TAFA2: variants seen among roughly 807,000 people sequenced by gnomAD.
The protein encoded by TAFA2 is chemokine-like protein TAFA-2.
In TAFA2, 7 loss-of-function variants were observed where a neutral mutation model predicts 18.8. That is an observed-to-expected ratio of 0.37 (90% CI 0.21 to 0.70). The LOEUF (loss-of-function observed/expected upper bound fraction) is 0.70, where lower values mean the gene tolerates loss of function less well. TAFA2 is among the 30% of genes least tolerant of loss of function. The probability of loss-of-function intolerance (pLI) is 0.53; values close to 1 mark genes in which losing one functional copy is unlikely to be tolerated. For missense variants in TAFA2, 122 were observed against 158.1 expected (o/e 0.77, Z 1.23); for synonymous variants, 60 against 54.2 (o/e 1.11, Z -0.47).
intron 1 of TAFA2, among the ~76,000 whole-genome samples, chr12:62,119,751 C>A (rs566284228): frequency 6.6e-6 from 1 of 152,224 alleles, no homozygotes; most frequent in South Asian, 2.1e-4. Context: ...GTTTCTGCTC[C>A]ATCATGGTAT....
chr12:62,187,037 T>C (rs937622533), intron 1 of TAFA2, among the ~76,000 whole-genome samples: 1 of 152,144 alleles, frequency 6.6e-6, no homozygotes, highest in East Asian at 1.9e-4. Flanking sequence ...TTCTGGCAAT[T>C]TTGTAGATAC....
At chr12:61,777,647 T>G (rs1036890730) in intron 2 of TAFA2, among the ~76,000 whole-genome samples, 3 of 151,588 alleles carry the variant, frequency 2.0e-5, no homozygotes, top group Non-Finnish European at 4.4e-5. Flanking sequence ...AAATTTTAGC[T>G]CTACCACTTA....
At chr12:61,914,259 T>C (rs1876728566) in intron 1 of TAFA2, among the ~76,000 whole-genome samples, 1 of 152,160 alleles carries the variant, frequency 6.6e-6, no homozygotes, top group African/African-American at 2.4e-5. Context: ...TACATCATAA[T>C]TTTTTCATGA....
At chr12:62,075,641 C>T (rs1409264190) in intron 1 of TAFA2, among the ~76,000 whole-genome samples, 1 of 152,270 alleles carries the variant, frequency 6.6e-6, no homozygotes, top group Non-Finnish European at 1.5e-5. Context: ...GCAGCTTAGC[C>T]TACCCAAAGT....
At chr12:62,196,870 G>T (rs1469658720), upstream of TAFA2, among the ~76,000 whole-genome samples, 2 of 152,096 alleles carry the variant, frequency 1.3e-5, no homozygotes, top group Non-Finnish European at 2.9e-5. Flanking sequence ...AAAAATAAAA[G>T]AAAATAATAA....
intron 1 of TAFA2, among the ~76,000 whole-genome samples, chr12:61,879,156 G>A (rs934645550): frequency 1.3e-5 from 2 of 152,148 alleles, no homozygotes; most frequent in Non-Finnish European, 2.9e-5. Context: ...CTGGGCAACA[G>A]AGCCAAGACC....
intron 4 of TAFA2, among the ~76,000 whole-genome samples, chr12:61,727,484 A>G (rs1358495925): frequency 6.6e-6 from 1 of 151,682 alleles, no homozygotes; most frequent in Admixed American, 6.6e-5. Flanking sequence ...TATCTCCTCT[A>G]GGTCTTCTAG....
At chr12:61,733,509 G>A (rs1487959172) in intron 4 of TAFA2, among the ~76,000 whole-genome samples, 2 of 150,922 alleles carry the variant, frequency 1.3e-5, no homozygotes, top group African/African-American at 2.4e-5. Flanking sequence ...AGTTTTCCCA[G>A]CACCATTTAT....
chr12:61,903,390 C>A (rs10747950), intron 1 of TAFA2, among the ~76,000 whole-genome samples: 171 of 152,022 alleles, frequency 1.1e-3, no homozygotes, highest in African/African-American at 4.0e-3. Context: ...AGAGGCTTTC[C>A]AATTATGTGT....
chr12:61,939,728 T>C (rs1382668690), intron 1 of TAFA2, among the ~76,000 whole-genome samples: 1 of 152,230 alleles, frequency 6.6e-6, no homozygotes, highest in Non-Finnish European at 1.5e-5. Flanking sequence ...GACAATACAT[T>C]TGATGGCTGC....
chr12:62,136,560 G>A lies in TAFA2; in HGVS notation c.-2+54699C>T, dbSNP rs144481693. On this transcript the variant is annotated intron_variant, in intron 1 of 4. Transcript: ENST00000416284. ...ATGAGCTATCCTTGTAATTCACAAT[G>A]GCAGTTAAGCATAAGGTATAAAGAC... Among the ~76,000 whole-genome samples, 478 of 152,250 alleles carry A rather than the reference G, an allele frequency of 3.1e-3. 1 individual carries two copies. The highest frequency in any genetic ancestry group is 0.017 in the Middle Eastern group (5 of 294).
chr12:61,825,811 A>G (rs772179569), intron 2 of TAFA2, among the ~76,000 whole-genome samples: 27 of 152,080 alleles, frequency 1.8e-4, no homozygotes, highest in Non-Finnish European at 3.2e-4. Flanking sequence ...ATATAATTTC[A>G]TTATTTTTGG....
intron 1 of TAFA2, among the ~76,000 whole-genome samples, chr12:62,118,190 G>A (rs1220716492): frequency 6.6e-6 from 1 of 151,930 alleles, no homozygotes; most frequent in Non-Finnish European, 1.5e-5. Flanking sequence ...ACATATATAT[G>A]TATCTAAAGG....
intron 1 of TAFA2, among the ~76,000 whole-genome samples, chr12:61,913,550 G>C (rs941306382): frequency 2.6e-5 from 4 of 152,180 alleles, no homozygotes; most frequent in African/African-American, 9.7e-5. Flanking sequence ...TATGGGTCAT[G>C]TTCCTCTCTA....
chr12:61,910,013 G>A (rs953198020), intron 1 of TAFA2, among the ~76,000 whole-genome samples: 5 of 152,036 alleles, frequency 3.3e-5, no homozygotes, highest in African/African-American at 1.2e-4. Flanking sequence ...AAATTCAACT[G>A]TATATGTAAC....
At chr12:62,003,748 A>T (rs575897382) in intron 1 of TAFA2, among the ~76,000 whole-genome samples, 1 of 152,350 alleles carries the variant, frequency 6.6e-6, no homozygotes, top group East Asian at 1.9e-4. Flanking sequence ...TTGTTCTCTT[A>T]TATATTCCAA....
chr12:61,886,936 C>A (rs964472404), intron 1 of TAFA2, among the ~76,000 whole-genome samples: 3 of 152,124 alleles, frequency 2.0e-5, no homozygotes, highest in African/African-American at 7.2e-5. Flanking sequence ...GGCCATTGGG[C>A]AAAATTAACG....
intron 1 of TAFA2, among the ~76,000 whole-genome samples, chr12:61,995,031 C>T (rs904070232): frequency 2.0e-5 from 3 of 152,200 alleles, no homozygotes; most frequent in African/African-American, 4.8e-5. Context: ...AGCCACTCAA[C>T]AAGAGTGTTC....
chr12:61,709,581 T>A lies in TAFA2; in HGVS notation c.*825A>T, dbSNP rs781780150. 1 of 150,738 alleles carries A rather than the reference T, an allele frequency of 6.6e-6. No homozygotes were observed. Among genetic ancestry groups the A allele is most frequent in the African/African-American group, 2.4e-5 (1 of 41,306 alleles). 9.3% of individuals were successfully genotyped at this position (150,738 alleles called of 1,614,324 possible). On this transcript the variant is annotated 3_prime_UTR_variant, in exon 5 of 5. Transcript: ENST00000416284. Reference sequence around the variant, plus strand: ...TCACTGCTGATTTCTGTGAAGGGAATAAGTAAACATAAAAAATTAAAGAAA... The same window carrying A: ...TCACTGCTGATTTCTGTGAAGGGAAAAAGTAAACATAAAAAATTAAAGAAA...
Sources: allele counts gnomAD v4.1 joint callset (sites outside exome capture counted in the v4.1 genomes callset), GRCh38; gene constraint gnomAD v4.1.1; transcripts MANE v1.5; gene names NCBI Gene and HGNC (gene_info 2026-07-23, HGNC 2026-07-21).